Variants in PHTF2 observed in about 807,000 individuals in gnomAD.
PHTF2 encodes the protein protein PHTF2.
Under a neutral mutation model 101.2 loss-of-function variants are expected in PHTF2, and 60 were observed. The ratio of observed to expected loss-of-function variants is 0.59; its 90% CI spans 0.48 to 0.73. The LOEUF (loss-of-function observed/expected upper bound fraction) is 0.73. Among genes scored for constraint, PHTF2 ranks in the 30% least tolerant of loss-of-function variants. The probability of loss-of-function intolerance (pLI) is 0.00; values close to 1 mark genes in which losing one functional copy is unlikely to be tolerated. For synonymous variants in PHTF2, 311 were observed against 307.3 expected (o/e 1.01, Z -0.13); for missense variants, 747 against 908.7 (o/e 0.82, Z 2.29).
chr7:77,878,938 G>A (rs1799172549), intron 3 of PHTF2, among the ~76,000 whole-genome samples: 1 of 152,190 alleles, frequency 6.6e-6, no homozygotes, highest in Non-Finnish European at 1.5e-5. Context: ...TCTAGATCTA[G>A]CTAGGTAGGT....
intron 12 of PHTF2, among the ~76,000 whole-genome samples, chr7:77,929,946 C>CT (rs1804404590): frequency 2.1e-5 from 3 of 143,156 alleles, no homozygotes; most frequent in African/African-American, 5.4e-5. Flanking sequence ...GGACTAGCCA[C>CT]ATTTTTTTTT....
chr7:77,870,577 G>A (rs1453766284), intron 3 of PHTF2, among the ~76,000 whole-genome samples: 1 of 152,118 alleles, frequency 6.6e-6, no homozygotes, highest in Non-Finnish European at 1.5e-5. Flanking sequence ...CCTAGATTAA[G>A]GGTGGGTCTG....
chr7:77,861,130 CTTTAA>C (rs1206032927), intron 3 of PHTF2, among the ~76,000 whole-genome samples: 1 of 151,846 alleles, frequency 6.6e-6, no homozygotes, highest in Non-Finnish European at 1.5e-5. Flanking sequence ...CTCCCTTATT[CTTTAA>C]TTTCTTTTTT....
At chr7:77,850,300 G>C (rs1796638003) in intron 2 of PHTF2, among the ~76,000 whole-genome samples, 1 of 140,522 alleles carries the variant, frequency 7.1e-6, no homozygotes, top group Non-Finnish European at 1.5e-5. Flanking sequence ...TGAGGCTGCA[G>C]TGAGCCATGT....
At chr7:77,800,580 G>A (rs956903373) in intron 1 of PHTF2, among the ~76,000 whole-genome samples, 3 of 152,158 alleles carry the variant, frequency 2.0e-5, no homozygotes, top group Non-Finnish European at 4.4e-5. Flanking sequence ...GCCCAAACTG[G>A]CACTGGACAG....
chr7:77,876,435 G>A (rs1798949039), intron 3 of PHTF2, among the ~76,000 whole-genome samples: 1 of 152,172 alleles, frequency 6.6e-6, no homozygotes, highest in South Asian at 2.1e-4. Flanking sequence ...ATTATGACCA[G>A]TGTTGATTAA....
At chr7:77,873,858 A>C (rs552949702) in intron 3 of PHTF2, among the ~76,000 whole-genome samples, 1 of 152,310 alleles carries the variant, frequency 6.6e-6, no homozygotes, top group South Asian at 2.1e-4. Flanking sequence ...TGTACCTTTC[A>C]GTGAAGGTCA....
intron 1 of PHTF2, among the ~76,000 whole-genome samples, chr7:77,836,969 A>T (rs1795523290): frequency 6.9e-6 from 1 of 144,724 alleles, no homozygotes; most frequent in South Asian, 2.2e-4. Context: ...GTATAATAAA[A>T]AAAGCAAAAA....
chr7:77,827,476 C>T (rs775384878), intron 1 of PHTF2, among the ~76,000 whole-genome samples: 1 of 152,094 alleles, frequency 6.6e-6, no homozygotes, highest in Non-Finnish European at 1.5e-5. Flanking sequence ...GCTTCATCCT[C>T]CTGAGTAGCT....
At chr7:77,955,091 G>A (rs1806913117) in exon 20 of PHTF2, 4 of 300,994 alleles carry the variant, frequency 1.3e-5, no homozygotes, top group Non-Finnish European at 2.5e-5. Context: ...TTTAAGCATT[G>A]ATGTACTTAG....
chr7:77,817,156 A>G (rs1330753660), intron 1 of PHTF2, among the ~76,000 whole-genome samples: 7 of 152,168 alleles, frequency 4.6e-5, no homozygotes, highest in African/African-American at 1.7e-4. Context: ...TCTTCTCCAT[A>G]GTAGCTGTAC....
At chr7:77,928,168 C>A (rs544625134) in intron 11 of PHTF2, among the ~76,000 whole-genome samples, 1 of 151,100 alleles carries the variant, frequency 6.6e-6, no homozygotes, top group Middle Eastern at 3.2e-3. Context: ...CATGACAAAT[C>A]TAGTCACAGA....
rs1270894077 is a variant in PHTF2, at chr7:77,894,011, T to C, written c.216+18T>C. 1 of 1,580,970 alleles carries C rather than the reference T, an allele frequency of 6.3e-7. No homozygotes were observed. Among genetic ancestry groups the C allele is most frequent in the East Asian group, 2.2e-5 (1 of 44,690 alleles). On this transcript the variant is annotated intron_variant, in intron 5 of 19. Coordinates refer to ENST00000416283, the Ensembl canonical transcript of PHTF2. The stretch of plus-strand genomic sequence containing the variant: ...TTAAACTGGTAAGTGTTTCAGGATT[T>C]TTCCCGCCTGAGTGATCCTGTGCAA...
intron 9 of PHTF2, among the ~76,000 whole-genome samples, chr7:77,919,726 A>G (rs1040758671): frequency 2.6e-5 from 4 of 152,136 alleles, no homozygotes; most frequent in African/African-American, 7.2e-5. Context: ...GAAAGAGGTT[A>G]CTTCTTTATT....
At chr7:77,814,386 A>G (rs1001227652) in intron 1 of PHTF2, among the ~76,000 whole-genome samples, 1 of 152,198 alleles carries the variant, frequency 6.6e-6, no homozygotes, top group African/African-American at 2.4e-5. Flanking sequence ...TTGAACTCAC[A>G]ACCAACAGCA....
intron 1 of PHTF2, among the ~76,000 whole-genome samples, chr7:77,838,030 A>C (rs1393060905): frequency 6.6e-6 from 1 of 152,194 alleles, no homozygotes; most frequent in Non-Finnish European, 1.5e-5. Flanking sequence ...TGATATTCTC[A>C]TATTTTTGTA....
chr7:77,906,771 G>A (rs1261757330), intron 7 of PHTF2, among the ~76,000 whole-genome samples: 1 of 152,088 alleles, frequency 6.6e-6, no homozygotes, highest in Non-Finnish European at 1.5e-5. Context: ...AGCCAAGCGT[G>A]GTGGCGGGCA....
At chr7:77,838,868 A>G (rs1349611511) in intron 1 of PHTF2, among the ~76,000 whole-genome samples, 1 of 152,214 alleles carries the variant, frequency 6.6e-6, no homozygotes, top group African/African-American at 2.4e-5. Flanking sequence ...GTTATAAAAT[A>G]ATTTGGTTTA....
At chr7:77,907,832 T>C (rs914821971) in intron 7 of PHTF2, 11 of 152,220 alleles carry the variant, frequency 7.2e-5, no homozygotes, top group African/African-American at 2.7e-4. Flanking sequence ...AAAAATCTTA[T>C]AATATTTACA....
Sources: allele counts gnomAD v4.1 joint callset (sites outside exome capture counted in the v4.1 genomes callset), GRCh38; gene constraint gnomAD v4.1.1; transcripts MANE v1.5; gene names NCBI Gene and HGNC (gene_info 2026-07-23, HGNC 2026-07-21).